Variants in ANGPT2 observed in about 807,000 individuals in gnomAD.
ANGPT2 encodes angiopoietin 2.
Under a neutral mutation model 62.9 loss-of-function variants are expected in ANGPT2, and 28 were observed. That is an observed-to-expected ratio of 0.44 (90% confidence interval 0.33 to 0.61). The LOEUF (loss-of-function observed/expected upper bound fraction) is 0.61. Ranked by LOEUF, ANGPT2 falls within the 20% of genes least tolerant of loss-of-function variation. ANGPT2 has a pLI of 0.03. For synonymous variants in ANGPT2, 284 were observed against 207.8 expected (o/e 1.37, Z -3.15); for missense variants, 727 against 594.9 (o/e 1.22, Z -2.31).
chr8:6,502,848 CG>C lies in ANGPT2; in HGVS notation c.*252del, dbSNP rs528636943. 2.3e-4 allele frequency: 104 copies of C among 448,728 alleles called. No individual in the cohort carries two copies. Among genetic ancestry groups the C allele is most frequent in the African/African-American group, 1.7e-3 (85 of 50,642 alleles). 27.8% of individuals were successfully genotyped at this position (448,728 alleles called of 1,614,324 possible). A position where few individuals can be genotyped will look rare whatever the true frequency, so the allele number is the denominator to read the frequency against. ...AAACTGTCAGTCTGATTCTCAGCCT[CG>C]GGTTCATCTTTGCATAGGTGTTCTG... On this transcript the variant is annotated 3_prime_UTR_variant, in exon 9 of 9. Transcript: ENST00000629816.
rs1586642203 is a variant in ANGPT2, at chr8:6,562,859, T to C, written c.76A>G (p.Met26Val). 6.2e-7 allele frequency: 1 copy of C among 1,613,134 alleles called. No individual in the cohort carries two copies. Among genetic ancestry groups the C allele is most frequent in the Non-Finnish European group, 8.5e-7 (1 of 1,179,274 alleles). The change falls in exon 1 of 9, where the codon ATG becomes GTG. Residue 26 changes from methionine to valine, a missense_variant. Physicochemically the swap from Met to Val is conservative, Grantham distance 21. Transcript: ENST00000629816. ...AAAYNNFRKSMDSIGKKQYQV... is the reference protein window; with the variant it reads ...AAAYNNFRKSVDSIGKKQYQV... Reference sequence around the variant, plus strand: ...TATTGCTTCTTTCCTATGCTGTCCATGCTCTTCCGAAAGTTGTTATAGGCT... The same window carrying C: ...TATTGCTTCTTTCCTATGCTGTCCACGCTCTTCCGAAAGTTGTTATAGGCT...
intron 1 of ANGPT2, among the ~76,000 whole-genome samples, chr8:6,536,972 GAA>G (rs58686747): frequency 1.3e-4 from 13 of 102,268 alleles, no homozygotes; most frequent in East Asian, 3.4e-4. Flanking sequence ...CTTAGTACAA[GAA>G]AAAAAAAAAA....
At chr8:6,508,637 G>T in intron 8 of ANGPT2, 1 of 572,564 alleles carries the variant, frequency 1.7e-6, no homozygotes, top group East Asian at 2.9e-5. Flanking sequence ...CTAGTATCCA[G>T]CAAGCACAAA....
chr8:6,500,572 T>C lies in ANGPT2; in HGVS notation c.*2529A>G, dbSNP rs1026412994. Reference sequence around the variant, plus strand: ...GCCACTGGTGTTGTTATTTAGCTGTTTGAGTAGGCCATATGACTAAAACAT... The same window carrying C: ...GCCACTGGTGTTGTTATTTAGCTGTCTGAGTAGGCCATATGACTAAAACAT... On this transcript the variant is annotated 3_prime_UTR_variant, in exon 9 of 9. Coordinates refer to ENST00000629816, the MANE Select transcript of ANGPT2 (RefSeq NM_001118887.2). 5.2e-5 allele frequency: 8 copies of C among 153,644 alleles called. No homozygotes were observed. Among genetic ancestry groups the C allele is most frequent in the Admixed American group, 3.2e-4 (5 of 15,456 alleles). 9.5% of individuals were successfully genotyped at this position (153,644 alleles called of 1,614,324 possible).
chr8:6,524,034 G>C (rs920991850), intron 3 of ANGPT2, among the ~76,000 whole-genome samples: 1 of 152,020 alleles, frequency 6.6e-6, no homozygotes, highest in Non-Finnish European at 1.5e-5. Context: ...GTTTGTACAA[G>C]GCCAGTAAAT....
intron 1 of ANGPT2, among the ~76,000 whole-genome samples, chr8:6,559,226 C>A (rs957869738): frequency 9.9e-6 from 1 of 101,436 alleles, no homozygotes; most frequent in African/African-American, 4.6e-5. Flanking sequence ...TAGCCACACA[C>A]GACAACACAC....
intron 1 of ANGPT2, among the ~76,000 whole-genome samples, chr8:6,537,277 T>C (rs762976123): frequency 6.6e-6 from 1 of 152,142 alleles, no homozygotes; most frequent in East Asian, 1.9e-4. Flanking sequence ...CTGCTGTATA[T>C]GTGTGCGAGG....
chr8:6,539,363 G>A (rs560407538), intron 1 of ANGPT2, among the ~76,000 whole-genome samples: 10 of 152,220 alleles, frequency 6.6e-5, no homozygotes, highest in Admixed American at 2.0e-4. Flanking sequence ...TTTTCTTCAC[G>A]TTCAGTGTAA....
At chr8:6,539,621 C>T (rs145915883) in intron 1 of ANGPT2, among the ~76,000 whole-genome samples, 1 of 152,142 alleles carries the variant, frequency 6.6e-6, no homozygotes, top group African/African-American at 2.4e-5. Context: ...GAGTCTCGCT[C>T]TGTCTCTCAG....
At chr8:6,527,243 C>A (rs952672394) in intron 3 of ANGPT2, among the ~76,000 whole-genome samples, 4 of 151,542 alleles carry the variant, frequency 2.6e-5, no homozygotes, top group African/African-American at 9.7e-5. Context: ...GTGGTTCTTT[C>A]ACTCCACAGC....
Position 6,514,659 on chromosome 8 carries a change from C to A in ANGPT2, c.1029+18G>T. The A allele has an allele frequency of 6.2e-7, 1 of 1,606,394 alleles. No individual in the cohort carries two copies. The highest frequency in any genetic ancestry group is 8.5e-7 in the Non-Finnish European group (1 of 1,173,124). ...CACAAGGGAAATTCTTTTCTGATGC[C>A]TTAAAGAATGTCCTTACCACTTTAT... On this transcript the variant is annotated intron_variant, in intron 6 of 8. Transcript: ENST00000629816.
chr8:6,511,078 C>T (rs1232807051), intron 7 of ANGPT2, among the ~76,000 whole-genome samples: 5 of 152,168 alleles, frequency 3.3e-5, no homozygotes, highest in African/African-American at 1.2e-4. Context: ...CTCTTGTCTC[C>T]TTTGAACATG....
chr8:6,537,652 G>C (rs1297210159), intron 1 of ANGPT2, among the ~76,000 whole-genome samples: 1 of 151,772 alleles, frequency 6.6e-6, no homozygotes, highest in Non-Finnish European at 1.5e-5. Context: ...AATTTGACAG[G>C]AAAAATAGGT....
At position 6,521,140 on chromosome 8, in the gene ANGPT2, G is replaced by C. The variant is rs1269204925; in HGVS notation, c.799+38C>G. Reference sequence around the variant, plus strand: ...CTTTTGAGTGTTTTACTGACTAAAGGTTATTAACGCTGAAGAAAGCATGAT... The same window carrying C: ...CTTTTGAGTGTTTTACTGACTAAAGCTTATTAACGCTGAAGAAAGCATGAT... On this transcript the variant is annotated intron_variant, in intron 4 of 8. Transcript: ENST00000629816. The C allele has an allele frequency of 6.4e-6, 10 of 1,562,458 alleles. No individual in the cohort carries two copies. In the Admixed American group the frequency reaches 1.4e-4, roughly 21 times the overall value.
intron 5 of ANGPT2, among the ~76,000 whole-genome samples, chr8:6,519,549 T>C (rs931143081): frequency 2.0e-5 from 3 of 152,230 alleles, no homozygotes; most frequent in Admixed American, 6.5e-5. Flanking sequence ...TTTAAGGAAA[T>C]GAGTCTGACA....
At chr8:6,514,535 A>G (rs1815853137) in intron 6 of ANGPT2, 142 bp downstream of exon 6, 3 of 718,314 alleles carry the variant, frequency 4.2e-6, no homozygotes, top group Non-Finnish European at 7.1e-6. Flanking sequence ...CCATTCTTTA[A>G]AGGGGAGACT....
rs762089580 is a variant in ANGPT2 at position 6,514,711 on chromosome 8, A to G, written c.995T>C (p.Val332Ala). The change falls in exon 6 of 9, where the codon GTT becomes GCT. Residue 332 changes from valine (V) to alanine (A), a missense_variant. Coordinates refer to ENST00000629816, the MANE Select transcript of ANGPT2 (RefSeq NM_001118887.2). ...TTCTTTCCAAGTCCTCTGAAAATCA[A>G]CGCTGCCATCCTCACGTCGCTGAAT... ...TIIQRREDGS[V>A]DFQRTWKEYK... is the part of the protein sequence containing the mutation. 2.5e-6 allele frequency: 4 copies of G among 1,613,936 alleles called. No individual in the cohort carries two copies. The highest frequency in any genetic ancestry group is 2.5e-6 in the Non-Finnish European group (3 of 1,180,020).
chr8:6,526,475 G>C lies in ANGPT2; in HGVS notation c.566+1080C>G, dbSNP rs565503324. Reference sequence around the variant, plus strand: ...AAAAGAAAATGAAATTAGCAGGATTGTTATATCTCAATGATTGGTCTCAAA... The same window carrying C: ...AAAAGAAAATGAAATTAGCAGGATTCTTATATCTCAATGATTGGTCTCAAA... On this transcript the variant is annotated intron_variant, in intron 3 of 8. Transcript: ENST00000629816. Among the ~76,000 whole-genome samples the C allele has an allele frequency of 2.0e-5, 3 of 151,964 alleles. No individual in the cohort carries two copies. In the East Asian group the frequency reaches 5.8e-4, roughly 29 times the overall value.
At chr8:6,519,788 C>G in intron 5 of ANGPT2, 76 bp downstream of exon 5, 1 of 1,537,838 alleles carries the variant, frequency 6.5e-7, no homozygotes, top group Non-Finnish European at 8.9e-7. Context: ...GGAGAGACTT[C>G]TGCTCTCTGG....
Sources: allele counts gnomAD v4.1 joint callset (sites outside exome capture counted in the v4.1 genomes callset), GRCh38; gene constraint gnomAD v4.1.1; transcripts MANE v1.5; gene names NCBI Gene and HGNC (gene_info 2026-07-23, HGNC 2026-07-21).